Variants in SZT2 observed in about 807,000 individuals in gnomAD.
SZT2 encodes KICSTOR complex protein SZT2.
A neutral mutation model predicts 404.2 loss-of-function variants in SZT2; 216 were observed. The ratio of observed to expected loss-of-function variants is 0.53; its 90% CI spans 0.48 to 0.60. The LOEUF (loss-of-function observed/expected upper bound fraction) is 0.60. Among genes scored for constraint, SZT2 ranks in the 20% least tolerant of loss-of-function variants. The probability of loss-of-function intolerance (pLI) is 0.00; values close to 1 mark genes in which losing one functional copy is unlikely to be tolerated. For missense variants in SZT2, 3,857 were observed against 4,459.2 expected, an observed-to-expected ratio of 0.86 and a Z score of 3.85; for synonymous variants, 1,693 against 1,749.9, an observed-to-expected ratio of 0.97 and a Z score of 0.81.
intron 33 of SZT2, 70 bp downstream of exon 33, chr1:43,431,160 GC>G: frequency 6.3e-7 from 1 of 1,584,486 alleles, no homozygotes; most frequent in African/African-American, 1.4e-5. Flanking sequence ...CGAATCTAGA[GC>G]ACTTGGGGAC....
At position 43,437,102 on chromosome 1, in the gene SZT2, C is replaced by T; in HGVS notation, c.6035-69C>T. On this transcript the variant is annotated intron_variant, in intron 42 of 71. Transcript: ENST00000634258. This position sits in a 1 kb window ranked among gnomAD's most constrained non-coding sequence, Gnocchi z 5.3. The stretch of plus-strand genomic sequence containing the variant: ...GAGTGAGGACAAGTAGGCCAGTTCC[C>T]AGGTGAGAAGTCTGTGGAGGGCAGA... 6.3e-7 allele frequency: 1 copy of T among 1,583,204 alleles called. No individual in the cohort carries two copies. Among genetic ancestry groups the T allele is most frequent in the South Asian group, 1.1e-5 (1 of 87,036 alleles).
chr1:43,395,636 C>T (rs1374131579), intron 1 of SZT2, among the ~76,000 whole-genome samples: 6 of 152,282 alleles, frequency 3.9e-5, no homozygotes, highest in East Asian at 1.9e-4. Flanking sequence ...TCTTATCCTT[C>T]GGAGCACTTA....
Position 43,439,279 on chromosome 1 carries a change from T to A in SZT2, c.6793-79T>A. The A allele has an allele frequency of 6.5e-7, 1 of 1,546,038 alleles. No individual in the cohort carries two copies. The highest frequency in any genetic ancestry group is 8.9e-7 in the Non-Finnish European group (1 of 1,119,816). ...TGCTCCCATATCTACCTGCACCACA[T>A]TCCCCACTGTGGGCACCCATCCCCG... On this transcript the variant is annotated intron_variant, in intron 48 of 71. Coordinates refer to ENST00000634258, the MANE Select transcript of SZT2 (RefSeq NM_001365999.1). The surrounding 1 kb of genome is among the most constrained non-coding windows in gnomAD (Gnocchi z 4.2).
intron 28 of SZT2, 39 bp downstream of exon 28, chr1:43,428,525 A>G (rs1485328389): frequency 6.3e-7 from 1 of 1,595,124 alleles, no homozygotes; most frequent in East Asian, 2.2e-5. Flanking sequence ...GGGGGTACAC[A>G]GACCAAGTCC....
rs766452814 is a variant in SZT2 at position 43,453,432 on chromosome 1, C to T, written c.*2952C>T. 4 of 1,562,924 alleles carry T rather than the reference C, an allele frequency of 2.6e-6. No individual in the cohort carries two copies. The South Asian group carries it at 3.5e-5, about 14-fold the overall frequency. ...GCATACCGCACGGCCTGCTCCAGTC[C>T]CTCTCGGAAGGCCGCCTGTCTCCCG... On this transcript the variant is annotated 3_prime_UTR_variant, in exon 72 of 72. Coordinates refer to ENST00000634258, the MANE Select transcript of SZT2 (RefSeq NM_001365999.1).
At position 43,415,549 on chromosome 1, in the gene SZT2, C is replaced by G. The variant is rs539299054; in HGVS notation, c.630+336C>G. Among the ~76,000 whole-genome samples, 199 of 152,274 alleles carry G rather than the reference C, an allele frequency of 1.3e-3. 2 individuals carry two copies. The South Asian group carries it at 0.02, about 16-fold the overall frequency. On this transcript the variant is annotated intron_variant, in intron 5 of 71. Coordinates refer to ENST00000634258, the MANE Select transcript of SZT2 (RefSeq NM_001365999.1). ...AATCAGGGATAAAGCTGCCTAGGCC[C>G]ACTAGACTTCCCTGTCTCATCACTT...
intron 62 of SZT2, 67 bp downstream of exon 62, chr1:43,443,863 TTCCTCTCTTTA>T (rs1655372752): frequency 5.0e-6 from 8 of 1,589,056 alleles, no homozygotes; most frequent in Non-Finnish European, 6.9e-6. Context: ...CCACAGGCCC[TTCCTCTCTTTA>T]CAAGGTCCTA....
chr1:43,443,116 A>G lies in SZT2; in HGVS notation c.8419+30A>G, dbSNP rs41270357. 0.016 allele frequency: 26,242 copies of G among 1,612,206 alleles called. 350 individuals are homozygous for G. The highest frequency in any genetic ancestry group is 0.064 in the Admixed American group (3,806 of 59,928). On this transcript the variant is annotated intron_variant, in intron 59 of 71. Transcript: ENST00000634258. ...GGGTACTGGGCCAGGCAGCAGGGAC[A>G]GGAAATCTGTGGAGTCTGGGAGGAA...
chr1:43,430,633 G>C lies in SZT2; in HGVS notation c.4618G>C (p.Asp1540His). The C allele has an allele frequency of 6.2e-7, 1 of 1,614,228 alleles. No homozygotes were observed. The highest frequency in any genetic ancestry group is 8.5e-7 in the Non-Finnish European group (1 of 1,180,042). ...GTCAGACGTAGACACTGTGAATCCT[G>C]ATGAAGACTCCTTCAGTATCTTGGG... is the stretch of plus-strand genomic sequence containing the variant. The part of the protein sequence containing the change: ...SLSDVDTVNP[D>H]EDSFSILGGD... The change falls in exon 32 of 72, where the codon GAT becomes CAT. Residue 1540 changes from aspartate to histidine, a missense_variant. Around this residue, in one of 7 missense-constraint regions of SZT2, gnomAD observed 1,725 missense variants for 1,881.0 expected, o/e 0.92. Transcript: ENST00000634258.
intron 38 of SZT2, 21 bp downstream of exon 38, chr1:43,432,625 C>T: frequency 6.2e-7 from 1 of 1,613,302 alleles, no homozygotes; most frequent in Non-Finnish European, 8.5e-7. Flanking sequence ...ACTTGGGCAG[C>T]AGTCTGGAGG....
chr1:43,426,734 G>A lies in SZT2; in HGVS notation c.3234G>A (p.Leu1078=), dbSNP rs1330207023. 6.2e-7 allele frequency: 1 copy of A among 1,612,730 alleles called. No homozygotes were observed. Residue 1078 remains leucine, a synonymous_variant, in exon 23 of 72, where the codon CTG becomes CTA. Transcript: ENST00000634258. The surrounding 1 kb of genome is among the most constrained non-coding windows in gnomAD (Gnocchi z 4.9). ...CHVPGAEGPL[L]GVHGIPKEQA... is the part of the protein sequence containing the mutation. Reference sequence around the variant, plus strand: ...TTGTAGGTGCCGAGGGGCCACTGCTGGGGGTTCATGGGATCCCGAAGGAGC... The same window carrying A: ...TTGTAGGTGCCGAGGGGCCACTGCTAGGGGTTCATGGGATCCCGAAGGAGC...
intron 62 of SZT2, 123 bp from the exon 63 acceptor site, chr1:43,445,771 A>G: frequency 1.1e-6 from 1 of 940,062 alleles, no homozygotes; most frequent in Non-Finnish European, 1.7e-6. Context: ...TCACAGTGGC[A>G]GCTTTGTGGG....
chr1:43,453,120 C>G lies in SZT2; in HGVS notation c.*2640C>G, dbSNP rs549656793. 2.6e-5 allele frequency: 19 copies of G among 722,126 alleles called. No homozygotes were observed. Among genetic ancestry groups the G allele is most frequent in the African/African-American group, 2.3e-4 (13 of 57,522 alleles). The allele number at this position is 722,126 out of a possible 1,614,324, so 44.7% of individuals were successfully genotyped here. A position where few individuals can be genotyped will look rare whatever the true frequency, so the allele number is the denominator to read the frequency against. ...AATAGGCCTGTCCTCAAATGCATCA[C>G]TGTATATATTTACTCTCCTATCTGC... On this transcript the variant is annotated 3_prime_UTR_variant, in exon 72 of 72. Transcript: ENST00000634258.
intron 1 of SZT2, among the ~76,000 whole-genome samples, chr1:43,391,792 T>C (rs1007387205): frequency 1.2e-5 from 1 of 83,908 alleles, no homozygotes; most frequent in Non-Finnish European, 2.6e-5. Context: ...CATAAAAAAA[T>C]GAAACAAGGC....
chr1:43,439,119 C>T lies in SZT2; in HGVS notation c.6792+26C>T. On this transcript the variant is annotated intron_variant, in intron 48 of 71. Coordinates refer to ENST00000634258, the MANE Select transcript of SZT2 (RefSeq NM_001365999.1). This position sits in a 1 kb window ranked among gnomAD's most constrained non-coding sequence, Gnocchi z 4.2. ...GTGAGATGGCACTCATCTCTCTCCA[C>T]ACTCATGTGCACCCCTGCCCCCTGC... The T allele has an allele frequency of 6.2e-7, 1 of 1,613,616 alleles. No individual in the cohort carries two copies. Among genetic ancestry groups the T allele is most frequent in the Non-Finnish European group, 8.5e-7 (1 of 1,179,690 alleles).
At chr1:43,402,041 T>C (rs1210513269) in intron 1 of SZT2, among the ~76,000 whole-genome samples, 1 of 152,238 alleles carries the variant, frequency 6.6e-6, no homozygotes, top group Non-Finnish European at 1.5e-5. Context: ...CTTCTCTCCA[T>C]GCATGTTTCC....
At chr1:43,399,500 T>C (rs987325097) in intron 1 of SZT2, among the ~76,000 whole-genome samples, 4 of 144,124 alleles carry the variant, frequency 2.8e-5, no homozygotes, top group African/African-American at 1.1e-4. Context: ...AGACGGAGTC[T>C]CGCTAGGCTG....
intron 11 of SZT2, 110 bp from the exon 12 acceptor site, chr1:43,421,973 G>A: frequency 8.1e-7 from 1 of 1,239,062 alleles, no homozygotes; most frequent in Non-Finnish European, 1.1e-6. Context: ...TCAAACCACT[G>A]CTGTCTCTGA....
intron 4 of SZT2, among the ~76,000 whole-genome samples, chr1:43,413,578 A>G (rs533439752): frequency 6.6e-6 from 1 of 152,350 alleles, no homozygotes; most frequent in African/African-American, 2.4e-5. Flanking sequence ...ATGAATGGAT[A>G]AAGAAAATGT....
Sources: gnomAD v4.1 joint callset for allele counts (sites outside exome capture counted in the v4.1 genomes callset) on GRCh38, gnomAD v4.1.1 for gene constraint, gnomAD v4.1.1 regional missense constraint, Gnocchi (gnomAD v3.1) non-coding constraint, MANE v1.5 for transcripts, NCBI Gene and HGNC (gene_info 2026-07-23, HGNC 2026-07-21) for gene names.